NALF1: variants seen among roughly 807,000 people sequenced by gnomAD.
NALF1 encodes NALCN channel auxiliary factor 1, also known as family with sequence similarity 155 member A.
In NALF1, 3 loss-of-function variants were observed where a neutral mutation model predicts 48.4. The ratio of observed to expected loss-of-function variants is 0.06; its 90% confidence interval spans 0.03 to 0.16. The LOEUF (loss-of-function observed/expected upper bound fraction) is 0.16. NALF1 is among the 10% of genes least tolerant of loss of function. The pLI, the probability that NALF1 is intolerant of heterozygous loss-of-function variation, is 1.00. For missense variants in NALF1, 526 were observed against 571.5 expected (o/e 0.92, Z 0.81); for synonymous variants, 262 against 245.7 (o/e 1.07, Z -0.62).
intron 1 of NALF1, among the ~76,000 whole-genome samples, chr13:107,772,431 T>C (rs1413621975): frequency 6.6e-6 from 1 of 151,966 alleles, no homozygotes; most frequent in Non-Finnish European, 1.5e-5. Context: ...CCATATTTAA[T>C]GTGAAAAAAA....
At chr13:107,754,948 T>G (rs1877052301) in intron 1 of NALF1, among the ~76,000 whole-genome samples, 1 of 152,184 alleles carries the variant, frequency 6.6e-6, no homozygotes, top group Admixed American at 6.5e-5. Flanking sequence ...TTTATTTTAT[T>G]AAGAATTTCA....
At chr13:107,268,929 T>C (rs1337961590) in intron 1 of NALF1, among the ~76,000 whole-genome samples, 2 of 152,208 alleles carry the variant, frequency 1.3e-5, no homozygotes, top group East Asian at 3.9e-4. Context: ...GTAGTTTATT[T>C]TAAGGATGAT....
chr13:107,562,688 G>C (rs1049414890), intron 1 of NALF1, among the ~76,000 whole-genome samples: 2 of 152,152 alleles, frequency 1.3e-5, no homozygotes, highest in Admixed American at 6.5e-5. Flanking sequence ...TTGTTTCCAA[G>C]ACCATACGAA....
In NALF1 at chr13:107,170,732, C is replaced by G; in HGVS notation, c.1142G>C (p.Arg381Thr). 1 of 1,614,196 alleles carries G rather than the reference C, an allele frequency of 6.2e-7. No homozygotes were observed. The highest frequency in any genetic ancestry group is 8.5e-7 in the Non-Finnish European group (1 of 1,180,036). ...NDEPECCDVR[R>T]EEKSNNPSKG... The stretch of plus-strand genomic sequence containing the variant: ...GGATGGGTTATTTGATTTTTCTTCT[C>G]TCCTGACGTCACAGCATTCTGGTTC... Residue 381 changes from arginine (R) to threonine (T), a missense_variant, in exon 3 of 3, where the codon AGA becomes ACA. By Grantham distance (71) the Arg-to-Thr change is moderately conservative. Around this residue, in one of 2 missense-constraint regions of NALF1, gnomAD observed 153 missense variants for 215.9 expected, o/e 0.71. Transcript: ENST00000375915.
chr13:107,513,144 T>A (rs1017954558), intron 1 of NALF1, among the ~76,000 whole-genome samples: 2 of 152,094 alleles, frequency 1.3e-5, no homozygotes, highest in African/African-American at 4.8e-5. Context: ...AAGACAACAT[T>A]TTTTTAGGGG....
rs190420013 is a variant in NALF1, at chr13:107,809,005, C to T, written c.915+56677G>A. On this transcript the variant is annotated intron_variant, in intron 1 of 2. Transcript: ENST00000375915. ...TTGTTTTCTGAAATCATAAACTATA[C>T]AAAATTTTCAGTGAAAACCTATGAC... Among the ~76,000 whole-genome samples, 49 of 152,160 alleles carry T rather than the reference C, an allele frequency of 3.2e-4. No homozygotes were observed. The East Asian group carries it at 7.5e-3, about 23-fold the overall frequency.
At chr13:107,648,372 T>C (rs147131015) in intron 1 of NALF1, among the ~76,000 whole-genome samples, 15 of 152,272 alleles carry the variant, frequency 9.9e-5, no homozygotes, top group African/African-American at 3.6e-4. Flanking sequence ...CGATAACCAC[T>C]GATTTGTTTA....
intron 1 of NALF1, among the ~76,000 whole-genome samples, chr13:107,290,198 A>AGG (rs1555330705): frequency 2.5e-4 from 37 of 149,096 alleles, no homozygotes; most frequent in African/African-American, 8.9e-4. Flanking sequence ...AAAAAAAAAA[A>AGG]CCAGAAATAC....
At chr13:107,710,801 A>G (rs183698619) in intron 1 of NALF1, among the ~76,000 whole-genome samples, 2 of 108,986 alleles carry the variant, frequency 1.8e-5, no homozygotes, top group East Asian at 6.2e-4. Flanking sequence ...ATATATGTAT[A>G]TATACATATA....
At chr13:107,762,316 G>A (rs1877286158) in intron 1 of NALF1, among the ~76,000 whole-genome samples, 1 of 152,078 alleles carries the variant, frequency 6.6e-6, no homozygotes, top group South Asian at 2.1e-4. Flanking sequence ...CATATTGGGT[G>A]TAAATCTCCC....
In NALF1 at chr13:107,734,221, T is replaced by A. The variant is rs146658890; in HGVS notation, c.915+131461A>T. ...GACCAAAATGTCATGGCAGGGCACATGACCGTCTACGATAATGAATCTGGT... is the reference window on the plus strand; with the variant it reads ...GACCAAAATGTCATGGCAGGGCACAAGACCGTCTACGATAATGAATCTGGT... On this transcript the variant is annotated intron_variant, in intron 1 of 2. Transcript: ENST00000375915. Among the ~76,000 whole-genome samples the A allele has an allele frequency of 6.6e-5, 10 of 152,224 alleles. No homozygotes were observed. In the East Asian group the frequency reaches 1.7e-3, roughly 26 times the overall value.
At chr13:107,419,310 A>G (rs1400108154) in intron 1 of NALF1, among the ~76,000 whole-genome samples, 1 of 152,252 alleles carries the variant, frequency 6.6e-6, no homozygotes, top group Non-Finnish European at 1.5e-5. Flanking sequence ...TTGTTAATAA[A>G]GATAATATTT....
At chr13:107,452,899 G>A (rs9555364) in intron 1 of NALF1, among the ~76,000 whole-genome samples, 35,512 of 152,182 alleles carry the variant, frequency 0.23, 4,864 homozygotes, top group Non-Finnish European at 0.31. Flanking sequence ...AGAAGCTACA[G>A]GCCCCATGCA....
chr13:107,377,991 T>C (rs1883367377), intron 1 of NALF1, among the ~76,000 whole-genome samples: 1 of 152,230 alleles, frequency 6.6e-6, no homozygotes, highest in African/African-American at 2.4e-5. Flanking sequence ...TCTCTCCCTT[T>C]GAGCTCTTAT....
intron 1 of NALF1, among the ~76,000 whole-genome samples, chr13:107,704,573 G>T (rs1408061606): frequency 6.6e-6 from 1 of 151,874 alleles, no homozygotes; most frequent in Non-Finnish European, 1.5e-5. Context: ...TTTATTTTGA[G>T]CCAGTTTTAT....
chr13:107,282,012 CA>C (rs1412402153), intron 1 of NALF1, among the ~76,000 whole-genome samples: 1 of 152,154 alleles, frequency 6.6e-6, no homozygotes, highest in Non-Finnish European at 1.5e-5. Flanking sequence ...GGGACCCAGC[CA>C]CACCATATCA....
intron 2 of NALF1, among the ~76,000 whole-genome samples, chr13:107,201,711 T>C (rs777932908): frequency 9.2e-5 from 14 of 152,242 alleles, no homozygotes; most frequent in Admixed American, 7.2e-4. Flanking sequence ...GCAATGTTTG[T>C]TCCCGCGTAC....
At chr13:107,452,840 G>A (rs1423419065) in intron 1 of NALF1, among the ~76,000 whole-genome samples, 3 of 152,110 alleles carry the variant, frequency 2.0e-5, no homozygotes, top group African/African-American at 7.2e-5. Flanking sequence ...GGGGGTAAAG[G>A]CCTTAGATAA....
intron 1 of NALF1, among the ~76,000 whole-genome samples, chr13:107,475,552 G>A (rs573046585): frequency 6.6e-6 from 1 of 152,212 alleles, no homozygotes; most frequent in South Asian, 2.1e-4. Context: ...AATTAAATGA[G>A]GGAGGATGTT....
Sources: allele counts gnomAD v4.1 joint callset (sites outside exome capture counted in the v4.1 genomes callset), GRCh38; gene constraint gnomAD v4.1.1; regional missense constraint gnomAD v4.1.1; transcripts MANE v1.5; gene names NCBI Gene and HGNC (gene_info 2026-07-23, HGNC 2026-07-21).